The following CDH13 variants were observed in gnomAD, a reference collection of about 807,000 sequenced individuals.
CDH13 encodes the protein cadherin-13.
In CDH13, 24 loss-of-function variants were observed where a neutral mutation model predicts 63.8. The observed-to-expected ratio is 0.38, with a 90% CI of 0.27 to 0.53. The LOEUF (loss-of-function observed/expected upper bound fraction) is 0.53, where lower values mean the gene tolerates loss of function less well. Ranked by LOEUF, CDH13 falls within the 20% of genes least tolerant of loss-of-function variation. The pLI, the probability that CDH13 is intolerant of heterozygous loss-of-function variation, is 0.85. For missense variants in CDH13, 1,049 were observed against 903.1 expected (o/e 1.16, Z -2.07); for synonymous variants, 503 against 355.3 (o/e 1.42, Z -4.67).
At chr16:83,437,674 TC>T (rs2072349778) in intron 6 of CDH13, among the ~76,000 whole-genome samples, 3 of 151,650 alleles carry the variant, frequency 2.0e-5, no homozygotes, top group Non-Finnish European at 2.9e-5. Flanking sequence ...AAGATCCTGT[TC>T]CAAAAAAATT....
intron 5 of CDH13, among the ~76,000 whole-genome samples, chr16:83,276,388 G>A (rs1024629322): frequency 1.3e-5 from 2 of 152,110 alleles, no homozygotes; most frequent in Admixed American, 6.5e-5. Context: ...TTTCCCATAT[G>A]ACTTGCAAGC....
intron 7 of CDH13, among the ~76,000 whole-genome samples, chr16:83,548,485 C>T (rs1253450620): frequency 2.0e-5 from 3 of 152,148 alleles, no homozygotes; most frequent in Non-Finnish European, 4.4e-5. Flanking sequence ...AGAAACCTGG[C>T]TTCAGATGTA....
intron 3 of CDH13, among the ~76,000 whole-genome samples, chr16:83,081,474 A>G (rs2033249230): frequency 6.6e-6 from 1 of 152,196 alleles, no homozygotes; most frequent in African/African-American, 2.4e-5. Flanking sequence ...TTTTAAATGC[A>G]CAGAGTGTAC....
At chr16:82,650,180 G>T (rs530587327) in intron 1 of CDH13, among the ~76,000 whole-genome samples, 2 of 152,314 alleles carry the variant, frequency 1.3e-5, no homozygotes, top group Non-Finnish European at 2.9e-5. Context: ...GCATGGCTTT[G>T]TTAGTGGAAA....
intron 5 of CDH13, among the ~76,000 whole-genome samples, chr16:83,220,575 C>T (rs1014648603): frequency 6.9e-6 from 1 of 145,908 alleles, no homozygotes; most frequent in African/African-American, 2.6e-5. Context: ...GTACGTTGTG[C>T]ACATGTACCA....
At chr16:83,474,575 C>G (rs904758963) in intron 6 of CDH13, among the ~76,000 whole-genome samples, 4 of 152,030 alleles carry the variant, frequency 2.6e-5, no homozygotes, top group African/African-American at 9.7e-5. Flanking sequence ...TCTGGTGGGT[C>G]CCACCAGAAA....
chr16:82,738,568 C>CA (rs2033791696), intron 1 of CDH13, among the ~76,000 whole-genome samples: 1 of 152,214 alleles, frequency 6.6e-6, no homozygotes, highest in African/African-American at 2.4e-5. Context: ...TTTCTTAATG[C>CA]ACTTTTACAC....
At chr16:83,337,541 A>C (rs1445015875) in intron 5 of CDH13, among the ~76,000 whole-genome samples, 1 of 152,048 alleles carries the variant, frequency 6.6e-6, no homozygotes, top group Non-Finnish European at 1.5e-5. Context: ...TGCTTTAAAC[A>C]AATTAGAGGT....
chr16:83,736,505 C>T (rs1245395749), intron 10 of CDH13, among the ~76,000 whole-genome samples: 1 of 152,176 alleles, frequency 6.6e-6, no homozygotes, highest in South Asian at 2.1e-4. Context: ...TGGTCAAAAG[C>T]AACAACGAAA....
At chr16:83,124,548 G>C (rs1159072732) in intron 3 of CDH13, among the ~76,000 whole-genome samples, 1 of 136,158 alleles carries the variant, frequency 7.3e-6, no homozygotes, top group Non-Finnish European at 1.6e-5. Context: ...TTTTGGTCAT[G>C]TTTGCTTTTG....
intron 6 of CDH13, among the ~76,000 whole-genome samples, chr16:83,349,868 G>A (rs145347184): frequency 1.3e-4 from 20 of 152,182 alleles, no homozygotes; most frequent in African/African-American, 4.8e-4. Context: ...CCCAAATGCT[G>A]GGATTACAGG....
chr16:83,632,234 T>C lies in CDH13; in HGVS notation c.1101+29640T>C, dbSNP rs567978691. ...AATCCCAGTTCTGTTTCTGAGTTCT[T>C]ATTCACAGGGCAGGATGGGCTGACA... On this transcript the variant is annotated intron_variant, in intron 8 of 13. Coordinates refer to ENST00000567109, the MANE Select transcript of CDH13 (RefSeq NM_001257.5). 4.7e-5 allele frequency among the ~76,000 whole-genome samples: 7 copies of C among 150,312 alleles called. No individual in the cohort carries two copies. In the South Asian group the frequency reaches 1.3e-3, roughly 28 times the overall value.
At chr16:83,172,467 G>T (rs547064642) in intron 4 of CDH13, among the ~76,000 whole-genome samples, 10 of 151,970 alleles carry the variant, frequency 6.6e-5, no homozygotes, top group Non-Finnish European at 8.8e-5. Context: ...CTTCAGCCTA[G>T]GTGACAGAGA....
intron 4 of CDH13, among the ~76,000 whole-genome samples, chr16:83,169,413 A>T (rs2037826825): frequency 6.6e-6 from 1 of 151,974 alleles, no homozygotes; most frequent in African/African-American, 2.4e-5. Context: ...TTGACCTCAT[A>T]ATCTGCCTGC....
intron 7 of CDH13, among the ~76,000 whole-genome samples, chr16:83,510,264 C>T (rs967124690): frequency 5.3e-5 from 8 of 152,048 alleles, no homozygotes; most frequent in African/African-American, 1.9e-4. Context: ...AATTTTTTTG[C>T]TCTCCGAGAT....
chr16:83,120,945 G>C (rs1018413922), intron 3 of CDH13, among the ~76,000 whole-genome samples: 1 of 151,738 alleles, frequency 6.6e-6, no homozygotes, highest in Non-Finnish European at 1.5e-5. Flanking sequence ...TGTATTTTTG[G>C]TAGAGACGGG....
chr16:83,220,338 C>T (rs540264223), intron 5 of CDH13, among the ~76,000 whole-genome samples: 1 of 152,116 alleles, frequency 6.6e-6, no homozygotes, highest in Admixed American at 6.6e-5. Flanking sequence ...TTGCAATTTC[C>T]GTTCATTCCA....
chr16:83,796,265 C>G lies in CDH13; in HGVS notation c.*1235C>G, dbSNP rs1055905115. 1 of 152,192 alleles carries G rather than the reference C, an allele frequency of 6.6e-6. No individual in the cohort carries two copies. The highest frequency in any genetic ancestry group is 1.5e-5 in the Non-Finnish European group (1 of 68,020). The allele number at this position is 152,192 out of a possible 1,614,324, so 9.4% of individuals were successfully genotyped here. A position where few individuals can be genotyped will look rare whatever the true frequency, so the allele number is the denominator to read the frequency against. ...CAAAGCTCACACCAAATTTTTCTATCAAATAAAACTAGTGACAGCTTGTGG... is the reference window on the plus strand; with the variant it reads ...CAAAGCTCACACCAAATTTTTCTATGAAATAAAACTAGTGACAGCTTGTGG... On this transcript the variant is annotated 3_prime_UTR_variant, in exon 14 of 14. Coordinates refer to ENST00000567109, the MANE Select transcript of CDH13 (RefSeq NM_001257.5).
intron 1 of CDH13, among the ~76,000 whole-genome samples, chr16:82,797,018 G>T (rs528194629): frequency 6.6e-6 from 1 of 152,324 alleles, no homozygotes; most frequent in South Asian, 2.1e-4. Flanking sequence ...GCCTGACACA[G>T]TATACATTGC....
Sources: gnomAD v4.1 joint callset for allele counts (sites outside exome capture counted in the v4.1 genomes callset) on GRCh38, gnomAD v4.1.1 for gene constraint, MANE v1.5 for transcripts, NCBI Gene and HGNC (gene_info 2026-07-23, HGNC 2026-07-21) for gene names.